Variants in HSPH1 observed in about 807,000 individuals in gnomAD.
HSPH1 encodes the protein heat shock protein family H (Hsp110) member 1, also known as heat shock protein 105 kDa.
In HSPH1, 40 loss-of-function variants were observed where a neutral mutation model predicts 100.0. The ratio of observed to expected loss-of-function variants is 0.40; its 90% confidence interval spans 0.31 to 0.52. The LOEUF is 0.52. Ranked by LOEUF, HSPH1 falls within the 20% of genes least tolerant of loss-of-function variation. The pLI is 0.54. For missense variants in HSPH1, 876 were observed against 1,015.1 expected (o/e 0.86, Z 1.86); for synonymous variants, 403 against 344.0 (o/e 1.17, Z -1.90).
chr13:31,148,793 T>C (rs1172545918), intron 8 of HSPH1, among the ~76,000 whole-genome samples: 1 of 152,108 alleles, frequency 6.6e-6, no homozygotes, highest in African/African-American at 2.4e-5. Flanking sequence ...CAATTTCAAA[T>C]TGTATCACTT....
intron 12 of HSPH1, among the ~76,000 whole-genome samples, chr13:31,143,569 A>G (rs546911608): frequency 3.3e-5 from 5 of 152,284 alleles, no homozygotes; most frequent in African/African-American, 1.2e-4. Flanking sequence ...CAGTTAATCA[A>G]GAGAAGCTTT....
At chr13:31,151,495 CCTAAA>C (rs1226179662) in intron 6 of HSPH1, 109 bp downstream of exon 6, 14 of 984,354 alleles carry the variant, frequency 1.4e-5, no homozygotes, top group Non-Finnish European at 2.1e-5. Flanking sequence ...AACATCTTTA[CCTAAA>C]ATAAAACTCT....
At chr13:31,141,351 G>T in intron 12 of HSPH1, 92 bp from the exon 13 acceptor site, 1 of 1,042,872 alleles carries the variant, frequency 9.6e-7, no homozygotes, top group Non-Finnish European at 1.4e-6. Context: ...GATGACTTGG[G>T]CAAAAATAAA....
chr13:31,154,308 CT>C, intron 4 of HSPH1: 2 of 349,822 alleles, frequency 5.7e-6, no homozygotes, highest in East Asian at 6.9e-5. Context: ...ATTCTTTCAC[CT>C]GTGAAAAGCT....
chr13:31,159,302 G>A (rs376744286), intron 1 of HSPH1, among the ~76,000 whole-genome samples: 25 of 152,142 alleles, frequency 1.6e-4, no homozygotes, highest in African/African-American at 6.0e-4. Flanking sequence ...GCTTCTTTAG[G>A]AATCAAAAGT....
intron 10 of HSPH1, among the ~76,000 whole-genome samples, chr13:31,147,735 T>TC (rs1218933936): frequency 1.3e-5 from 2 of 151,984 alleles, no homozygotes; most frequent in Non-Finnish European, 2.9e-5. Flanking sequence ...ACAGCAGAAC[T>TC]CCAAGTAACA....
Position 31,135,720 on chromosome 13 carries a change from G to A in HSPH1, c.*1598C>T, listed in dbSNP as rs1955866794. 2 of 152,228 alleles carry A rather than the reference G, an allele frequency of 1.3e-5. No homozygotes were observed. The highest frequency in any genetic ancestry group is 1.3e-4 in the Admixed American group (2 of 15,290). The allele number at this position is 152,228 out of a possible 1,614,324, so 9.4% of individuals were successfully genotyped here. Reference sequence around the variant, plus strand: ...TCTTCACCCAGGAAGCATCAGAGCTGAGGAAATAAACCTCAGCAGTCAAGT... The same window carrying A: ...TCTTCACCCAGGAAGCATCAGAGCTAAGGAAATAAACCTCAGCAGTCAAGT... On this transcript the variant is annotated 3_prime_UTR_variant, in exon 18 of 18. Transcript: ENST00000320027.
chr13:31,148,505 G>A lies in HSPH1; in HGVS notation c.1138-25C>T, dbSNP rs377176966. 29 of 925,834 alleles carry A rather than the reference G, an allele frequency of 3.1e-5. No homozygotes were observed. In the African/African-American group the frequency reaches 4.2e-4, roughly 13 times the overall value. The allele number at this position is 925,834 out of a possible 1,614,324, so 57.4% of individuals were successfully genotyped here. A position where few individuals can be genotyped will look rare whatever the true frequency, so the allele number is the denominator to read the frequency against. On this transcript the variant is annotated intron_variant, in intron 8 of 17. Coordinates refer to ENST00000320027, the MANE Select transcript of HSPH1 (RefSeq NM_006644.4). The stretch of plus-strand genomic sequence containing the variant: ...ACTTAAAAAAAAAAAAAAAAATCAT[G>A]AGCACATGAACACTTCCCAGTCATC...
intron 7 of HSPH1, among the ~76,000 whole-genome samples, 191 bp from the exon 8 acceptor site, chr13:31,150,373 G>A (rs552515861): frequency 1.1e-4 from 17 of 152,186 alleles, no homozygotes; most frequent in African/African-American, 3.6e-4. Flanking sequence ...AAGATGATGC[G>A]GAAGACAGTT....
chr13:31,139,299 A>T, intron 14 of HSPH1, 192 bp from the exon 15 acceptor site: 1 of 561,914 alleles, frequency 1.8e-6, no homozygotes, highest in South Asian at 2.4e-5. Context: ...TAGAAGCCCA[A>T]TCTGTACAAT....
chr13:31,152,701 C>T, intron 5 of HSPH1, 151 bp downstream of exon 5: 1 of 564,060 alleles, frequency 1.8e-6, no homozygotes, highest in East Asian at 3.0e-5. Context: ...TTCTCATTAA[C>T]CATAAGCATT....
chr13:31,141,037 G>A, intron 13 of HSPH1, 85 bp downstream of exon 13: 1 of 777,000 alleles, frequency 1.3e-6, no homozygotes, highest in East Asian at 2.9e-5. Context: ...AAAGAATTAT[G>A]GCCATTTATC....
chr13:31,156,176 G>A (rs1253329944), intron 2 of HSPH1, among the ~76,000 whole-genome samples: 2 of 152,136 alleles, frequency 1.3e-5, no homozygotes, highest in Admixed American at 1.3e-4. Flanking sequence ...GGATCACGAG[G>A]TCAGGAGATG....
At chr13:31,143,741 GA>G in intron 12 of HSPH1, 50 bp downstream of exon 12, 1 of 1,494,744 alleles carries the variant, frequency 6.7e-7, no homozygotes, top group Non-Finnish European at 9.0e-7. Flanking sequence ...TATCATTAAT[GA>G]TTACACTTTG....
chr13:31,161,371 C>T, intron 1 of HSPH1, 105 bp downstream of exon 1: 3 of 1,511,546 alleles, frequency 2.0e-6, no homozygotes, highest in Non-Finnish European at 2.7e-6. Flanking sequence ...GCTGCCCAAA[C>T]GCCTCCGTTT....
Position 31,161,848 on chromosome 13 carries a change from T to G in HSPH1, c.-266A>C, listed in dbSNP as rs1207162126. On this transcript the variant is annotated 5_prime_UTR_variant, in exon 1 of 18. Transcript: ENST00000320027. ...CCGCAGGTCGCTCCGCACCTCGGGT[T>G]GCCTGCCTCACTCTGCCGCGGCTCG... is the stretch of plus-strand genomic sequence containing the variant. The G allele has an allele frequency of 1.4e-5, 21 of 1,479,588 alleles. No homozygotes were observed. Among genetic ancestry groups the G allele is most frequent in the East Asian group, 5.0e-5 (2 of 40,284 alleles). 91.7% of individuals were successfully genotyped at this position (1,479,588 alleles called of 1,614,324 possible). A position where few individuals can be genotyped will look rare whatever the true frequency, so the allele number is the denominator to read the frequency against.
At chr13:31,141,801 T>C (rs7336894) in intron 12 of HSPH1, among the ~76,000 whole-genome samples, 41,181 of 91,498 alleles carry the variant, frequency 0.45, 5,958 homozygotes, top group African/African-American at 0.5. Context: ...TACACATACA[T>C]ACACACACAC....
chr13:31,151,756 G>C lies in HSPH1; in HGVS notation c.530-14C>G. ...AATTCAAAGCAACTACAAAAAATAA[G>C]TATGTTTCAATTCTTTGGTTCACAT... is the stretch of plus-strand genomic sequence containing the variant. On this transcript the variant is annotated splice_polypyrimidine_tract_variant and intron_variant, in intron 5 of 17. Transcript: ENST00000320027. 1 of 1,593,836 alleles carries C rather than the reference G, an allele frequency of 6.3e-7. No homozygotes were observed. The highest frequency in any genetic ancestry group is 8.5e-7 in the Non-Finnish European group (1 of 1,172,006).
In HSPH1 at chr13:31,147,940, T is replaced by A. The variant is rs776254997; in HGVS notation, c.1378+19A>T. On this transcript the variant is annotated intron_variant, in intron 10 of 17. Transcript: ENST00000320027. The stretch of plus-strand genomic sequence containing the variant: ...AGTCTTTAACTAAAAGAGTAAAATA[T>A]ACACAATGAACTCCTTACCTATTTT... 6 of 1,564,102 alleles carry A rather than the reference T, an allele frequency of 3.8e-6. No individual in the cohort carries two copies. Among genetic ancestry groups the A allele is most frequent in the African/African-American group, 1.4e-5 (1 of 71,564 alleles).
Sources: gnomAD v4.1 joint callset for allele counts (sites outside exome capture counted in the v4.1 genomes callset) on GRCh38, gnomAD v4.1.1 for gene constraint, MANE v1.5 for transcripts, NCBI Gene and HGNC (gene_info 2026-07-23, HGNC 2026-07-21) for gene names.